Variants in GLDN observed in about 807,000 individuals in gnomAD.
The protein encoded by GLDN is gliomedin, also known as collomin.
In GLDN, 47 loss-of-function variants were observed where a neutral mutation model predicts 56.5. The ratio of observed to expected loss-of-function variants is 0.83; its 90% CI spans 0.66 to 1.06. GLDN has a LOEUF of 1.06. Among genes scored for constraint, GLDN ranks in the 50% least tolerant of loss-of-function variants. GLDN has a pLI of 0.00. For missense variants in GLDN, 782 were observed against 714.3 expected, an observed-to-expected ratio of 1.09 and a Z score of -1.08; for synonymous variants, 332 against 278.8, an observed-to-expected ratio of 1.19 and a Z score of -1.90.
rs1331585613 is a variant in GLDN, at chr15:51,405,036, A to AT, written c.*286dup. Reference sequence around the variant, plus strand: ...TGAATTGGCTAAGATGATTGGGGAGATTTTCTGTACCTGTAGGTAATTTGG... The same window carrying AT: ...TGAATTGGCTAAGATGATTGGGGAGATTTTTCTGTACCTGTAGGTAATTTGG... On this transcript the variant is annotated 3_prime_UTR_variant, in exon 10 of 10. Coordinates refer to ENST00000335449, the MANE Select transcript of GLDN (RefSeq NM_181789.4). 2 of 265,332 alleles carry AT rather than the reference A, an allele frequency of 7.5e-6. No homozygotes were observed. The highest frequency in any genetic ancestry group is 4.6e-5 in the African/African-American group (2 of 43,540). The allele number at this position is 265,332 out of a possible 1,614,324, so 16.4% of individuals were successfully genotyped here.
chr15:51,372,765 G>A (rs1458518332), intron 1 of GLDN, among the ~76,000 whole-genome samples: 2 of 152,122 alleles, frequency 1.3e-5, no homozygotes, highest in African/African-American at 2.4e-5. Context: ...GCCTGGGACC[G>A]GGCACTATTC....
intron 1 of GLDN, among the ~76,000 whole-genome samples, chr15:51,372,045 G>C (rs968005888): frequency 2.0e-5 from 3 of 152,178 alleles, no homozygotes; most frequent in African/African-American, 7.2e-5. Context: ...GCTGCATCTC[G>C]TGACAGCCTT....
chr15:51,353,734 A>AAC (rs60404846), intron 1 of GLDN, among the ~76,000 whole-genome samples: 22 of 128,878 alleles, frequency 1.7e-4, no homozygotes, highest in African/African-American at 3.3e-4. Context: ...AAAAAAAAAA[A>AAC]CCACAGTCAA....
chr15:51,343,767 C>T (rs988622409), intron 1 of GLDN, among the ~76,000 whole-genome samples: 113 of 152,210 alleles, frequency 7.4e-4, no homozygotes, highest in African/African-American at 2.6e-3. Flanking sequence ...TTACTACTCA[C>T]TTTCCTCTTG....
chr15:51,410,470 C>T (rs2141147717), downstream of GLDN, among the ~76,000 whole-genome samples: 1 of 152,294 alleles, frequency 6.6e-6, no homozygotes, highest in Admixed American at 6.5e-5. Flanking sequence ...CTTGGAATTA[C>T]TCTAAAGAGC....
chr15:51,400,441 A>G lies in GLDN; in HGVS notation c.970A>G (p.Ile324Val). 1 of 1,614,202 alleles carries G rather than the reference A, an allele frequency of 6.2e-7. No homozygotes were observed. The highest frequency in any genetic ancestry group is 1.1e-5 in the South Asian group (1 of 91,076). The change falls in exon 8 of 10, where the codon ATA becomes GTA. Residue 324 changes from isoleucine to valine, a missense_variant. Transcript: ENST00000335449. ...LKVTETFGTW[I>V]RESANKSDDR... is the part of the protein sequence containing the mutation. ...AGTGACAGAGACATTTGGGACTTGG[A>G]TAAGAGAGTCTGCTAACAAGAGTGA...
At position 51,405,111 on chromosome 15, in the gene GLDN, C is replaced by A; in HGVS notation, c.*357C>A. ...ACAACTTTTATGTATCTGCTTCTGT[C>A]GTTTAGCTTTTTTAGCCACATGCTG... On this transcript the variant is annotated 3_prime_UTR_variant, in exon 10 of 10. Transcript: ENST00000335449. 1 of 212,024 alleles carries A rather than the reference C, an allele frequency of 4.7e-6. No individual in the cohort carries two copies. The highest frequency in any genetic ancestry group is 9.5e-6 in the Non-Finnish European group (1 of 105,302). 13.1% of individuals were successfully genotyped at this position (212,024 alleles called of 1,614,324 possible). A position where few individuals can be genotyped will look rare whatever the true frequency, so the allele number is the denominator to read the frequency against.
At position 51,407,383 on chromosome 15, in the gene GLDN, G is replaced by A. The variant is rs1362730892; in HGVS notation, c.*2629G>A. The A allele has an allele frequency of 6.6e-6, 1 of 152,140 alleles. No individual in the cohort carries two copies. Among genetic ancestry groups the A allele is most frequent in the Non-Finnish European group, 1.5e-5 (1 of 68,022 alleles). 9.4% of individuals were successfully genotyped at this position (152,140 alleles called of 1,614,324 possible). On this transcript the variant is annotated 3_prime_UTR_variant, in exon 10 of 10. Transcript: ENST00000335449. ...GTTTTTAAGTCAAGATACTGTTTTAGGAGTTTACCCTCTCATTTATAACCA... is the reference window on the plus strand; with the variant it reads ...GTTTTTAAGTCAAGATACTGTTTTAAGAGTTTACCCTCTCATTTATAACCA...
intron 2 of GLDN, among the ~76,000 whole-genome samples, chr15:51,381,208 C>A (rs114369521): frequency 0.032 from 4,799 of 152,304 alleles, 261 homozygotes; most frequent in African/African-American, 0.11. Context: ...ACCAACAGTA[C>A]TGATGCATGG....
At chr15:51,379,917 T>C (rs1379574750) in intron 2 of GLDN, among the ~76,000 whole-genome samples, 1 of 152,224 alleles carries the variant, frequency 6.6e-6, no homozygotes, top group Admixed American at 6.5e-5. Flanking sequence ...CCTAATGTCA[T>C]ACTCCATGAA....
chr15:51,343,099 G>C (rs2036915387), intron 1 of GLDN, among the ~76,000 whole-genome samples: 1 of 152,178 alleles, frequency 6.6e-6, no homozygotes, highest in Non-Finnish European at 1.5e-5. Context: ...ATTACCTCCA[G>C]TCAAGTGTGA....
intron 1 of GLDN, among the ~76,000 whole-genome samples, chr15:51,368,832 T>C (rs1330782697): frequency 6.6e-6 from 1 of 152,182 alleles, no homozygotes; most frequent in Non-Finnish European, 1.5e-5. Context: ...TTTAATTTCA[T>C]TGAATCATGC....
At chr15:51,357,978 C>T (rs537045877) in intron 1 of GLDN, among the ~76,000 whole-genome samples, 15 of 152,290 alleles carry the variant, frequency 9.8e-5, no homozygotes, top group African/African-American at 3.6e-4. Flanking sequence ...ACCCTAGGCA[C>T]TATCCGGGAC....
At chr15:51,402,039 A>T (rs908053866) in intron 9 of GLDN, among the ~76,000 whole-genome samples, 1 of 152,180 alleles carries the variant, frequency 6.6e-6, no homozygotes, top group Non-Finnish European at 1.5e-5. Context: ...CCATCCTCTG[A>T]GAGAGAAGCA....
At chr15:51,374,493 C>G (rs115109436) in intron 1 of GLDN, among the ~76,000 whole-genome samples, 2,435 of 152,252 alleles carry the variant, frequency 0.016, 66 homozygotes, top group African/African-American at 0.056. Context: ...ACCTGGAGTT[C>G]AGTCCCATTT....
At chr15:51,350,920 T>C (rs569366345) in intron 1 of GLDN, among the ~76,000 whole-genome samples, 1 of 152,340 alleles carries the variant, frequency 6.6e-6, no homozygotes, top group East Asian at 1.9e-4. Flanking sequence ...CTCTGGTCTC[T>C]TTCTATGCAA....
intron 1 of GLDN, among the ~76,000 whole-genome samples, chr15:51,375,090 A>G (rs2141084635): frequency 6.6e-6 from 1 of 152,302 alleles, no homozygotes; most frequent in South Asian, 2.1e-4. Context: ...AGCAGGCAAT[A>G]AATAGCTGTT....
At chr15:51,387,290 G>T (rs186246498) in intron 4 of GLDN, among the ~76,000 whole-genome samples, 77 of 152,336 alleles carry the variant, frequency 5.1e-4, no homozygotes, top group African/African-American at 1.8e-3. Flanking sequence ...CACAGGCACT[G>T]TTCTGGAACT....
intron 4 of GLDN, among the ~76,000 whole-genome samples, chr15:51,388,642 A>C (rs1566947745): frequency 6.6e-6 from 1 of 152,216 alleles, no homozygotes; most frequent in Non-Finnish European, 1.5e-5. Context: ...ACTGGATATA[A>C]CTTGTCTAAT....
Sources: gnomAD v4.1 joint callset for allele counts (sites outside exome capture counted in the v4.1 genomes callset) on GRCh38, gnomAD v4.1.1 for gene constraint, MANE v1.5 for transcripts, NCBI Gene and HGNC (gene_info 2026-07-23, HGNC 2026-07-21) for gene names.